The following FHIT variants were observed in gnomAD, a reference collection of about 807,000 sequenced individuals.
FHIT encodes fragile histidine triad diadenosine triphosphatase, also known as bis(5'-adenosyl)-triphosphatase.
Under a neutral mutation model 17.9 loss-of-function variants are expected in FHIT, and 19 were observed. The observed-to-expected ratio is 1.06, with a 90% CI of 0.74 to 1.56. FHIT has a LOEUF of 1.56. Among genes scored for constraint, FHIT ranks in the 40% most tolerant of loss-of-function variants. The probability of loss-of-function intolerance (pLI) is 0.00; values close to 1 mark genes in which losing one functional copy is unlikely to be tolerated. For synonymous variants in FHIT, 81 were observed against 69.7 expected (o/e 1.16, Z -0.81); for missense variants, 248 against 189.2 (o/e 1.31, Z -1.82).
At chr3:60,666,090 A>G (rs1057394894) in intron 4 of FHIT, among the ~76,000 whole-genome samples, 1 of 152,140 alleles carries the variant, frequency 6.6e-6, no homozygotes, top group South Asian at 2.1e-4. Flanking sequence ...TGAGTATCAG[A>G]TGGTATTATA....
At position 60,184,344 on chromosome 3, in the gene FHIT, A is replaced by G. The variant is rs533416958; in HGVS notation, c.104-170192T>C. 7.2e-5 allele frequency among the ~76,000 whole-genome samples: 11 copies of G among 152,234 alleles called. No homozygotes were observed. In the East Asian group the frequency reaches 1.5e-3, roughly 21 times the overall value. On this transcript the variant is annotated intron_variant, in intron 5 of 9. Coordinates refer to ENST00000492590, the MANE Select transcript of FHIT (RefSeq NM_002012.4). ...ACCCCATCCAAGATACCATATTAAC[A>G]TAACTTATGTTGCTTAAGACTTTTC...
chr3:60,256,157 T>A (rs185696671), intron 5 of FHIT, among the ~76,000 whole-genome samples: 20 of 152,302 alleles, frequency 1.3e-4, no homozygotes, highest in Admixed American at 1.2e-3. Flanking sequence ...TGACTCTCCC[T>A]TAAATTCCCC....
chr3:61,209,463 A>T (rs1576223119), intron 1 of FHIT, among the ~76,000 whole-genome samples: 1 of 152,156 alleles, frequency 6.6e-6, no homozygotes, highest in South Asian at 2.1e-4. Context: ...CCAATCAGAC[A>T]TAGATTTGGT....
intron 7 of FHIT, among the ~76,000 whole-genome samples, chr3:60,008,934 G>A (rs1700024700): frequency 6.6e-6 from 1 of 152,136 alleles, no homozygotes; most frequent in African/African-American, 2.4e-5. Context: ...TCTATCACGG[G>A]ATGTGCTTGT....
At chr3:60,108,389 T>C (rs1704519992) in intron 5 of FHIT, among the ~76,000 whole-genome samples, 2 of 152,200 alleles carry the variant, frequency 1.3e-5, no homozygotes, top group South Asian at 2.1e-4. Context: ...GGTTAGGTAA[T>C]GTCACTCCCT....
At chr3:60,603,983 G>A (rs1044150891) in intron 4 of FHIT, among the ~76,000 whole-genome samples, 4 of 152,124 alleles carry the variant, frequency 2.6e-5, no homozygotes, top group African/African-American at 7.2e-5. Flanking sequence ...TAATGGTGAC[G>A]AAGAGACTAA....
intron 4 of FHIT, chr3:60,537,444 C>T (rs148657047): frequency 1.1e-4 from 107 of 980,154 alleles, no homozygotes; most frequent in African/African-American, 1.0e-3. Context: ...AGAACAAGTA[C>T]GAACACTGTC....
chr3:60,688,891 G>T (rs535468735), intron 4 of FHIT, among the ~76,000 whole-genome samples: 7 of 151,942 alleles, frequency 4.6e-5, no homozygotes, highest in Non-Finnish European at 8.8e-5. Flanking sequence ...GGCCCTCCTT[G>T]TCTGTGGGTT....
chr3:60,282,498 G>A (rs1409201970), intron 5 of FHIT, among the ~76,000 whole-genome samples: 4 of 152,090 alleles, frequency 2.6e-5, no homozygotes, highest in Non-Finnish European at 4.4e-5. Flanking sequence ...GTGGATACAC[G>A]ACAATATGCA....
chr3:60,203,467 G>A (rs184717414), intron 5 of FHIT, among the ~76,000 whole-genome samples: 5 of 152,192 alleles, frequency 3.3e-5, no homozygotes, highest in Admixed American at 2.0e-4. Flanking sequence ...AATATTTAGA[G>A]GACCTGAGAT....
intron 3 of FHIT, among the ~76,000 whole-genome samples, 175 bp from the exon 4 acceptor site, chr3:60,822,186 C>T (rs1286948003): frequency 3.3e-5 from 5 of 152,146 alleles, no homozygotes; most frequent in Non-Finnish European, 7.3e-5. Flanking sequence ...TTAATCTGTA[C>T]ATTGGAGACT....
At chr3:61,003,707 T>G (rs188568246) in intron 3 of FHIT, among the ~76,000 whole-genome samples, 1 of 152,314 alleles carries the variant, frequency 6.6e-6, no homozygotes, top group East Asian at 1.9e-4. Context: ...GGTAAAAAAG[T>G]CCAAAGAGAA....
intron 5 of FHIT, among the ~76,000 whole-genome samples, chr3:60,218,065 T>C (rs1478715971): frequency 6.6e-6 from 1 of 152,168 alleles, no homozygotes; most frequent in African/African-American, 2.4e-5. Context: ...TTTATTATTG[T>C]TTTAAAGTAT....
At chr3:60,643,765 C>A (rs2039785770) in intron 4 of FHIT, among the ~76,000 whole-genome samples, 2 of 152,176 alleles carry the variant, frequency 1.3e-5, no homozygotes, top group South Asian at 2.1e-4. Flanking sequence ...TAAGTAGTTT[C>A]CTCCAAACCA....
chr3:60,614,373 G>A (rs1377054416), intron 4 of FHIT, among the ~76,000 whole-genome samples: 1 of 152,170 alleles, frequency 6.6e-6, no homozygotes, highest in African/African-American at 2.4e-5. Context: ...CACTTTGGAG[G>A]TGGATGGATG....
At position 59,858,236 on chromosome 3, in the gene FHIT, CTTTTTTTTTTT is replaced by C. The variant is rs563841299; in HGVS notation, c.348+64099_348+64109del. Among the ~76,000 whole-genome samples the C allele has an allele frequency of 7.1e-5, 6 of 84,496 alleles. No individual in the cohort carries two copies. In the South Asian group the frequency reaches 1.5e-3, roughly 20 times the overall value. The allele number at this position is 84,496 out of a possible 152,430, so 55.4% of individuals were successfully genotyped here. On this transcript the variant is annotated intron_variant, in intron 8 of 9. Coordinates refer to ENST00000492590, the MANE Select transcript of FHIT (RefSeq NM_002012.4). ...TGATCTTCCTTCCTTTTCCCACCTTCTTTTTTTTTTTTTTTTTTTTTTTTTGAGATGGAGTG... is the reference window on the plus strand; with the variant it reads ...TGATCTTCCTTCCTTTTCCCACCTTCTTTTTTTTTTTTTTGAGATGGAGTG...
intron 5 of FHIT, among the ~76,000 whole-genome samples, chr3:60,475,659 C>G (rs562766536): frequency 9.2e-5 from 14 of 152,298 alleles, no homozygotes; most frequent in Admixed American, 2.0e-4. Context: ...GCCAATCAGC[C>G]AACTTGCTCA....
intron 4 of FHIT, among the ~76,000 whole-genome samples, chr3:60,629,364 T>C (rs527574809): frequency 6.6e-6 from 1 of 152,344 alleles, no homozygotes; most frequent in South Asian, 2.1e-4. Flanking sequence ...TAAGTGCTTT[T>C]GATTTGTCAT....
At position 60,583,596 on chromosome 3, in the gene FHIT, T is replaced by C. The variant is rs564791177; in HGVS notation, c.-17-46617A>G. 3.9e-5 allele frequency among the ~76,000 whole-genome samples: 6 copies of C among 152,140 alleles called. No individual in the cohort carries two copies. In the East Asian group the frequency reaches 9.7e-4, roughly 25 times the overall value. ...CATTTTCATGTGTCACCAATTATTATTCTTCTTTCTATTCTTTTTCAACCA... is the reference window on the plus strand; with the variant it reads ...CATTTTCATGTGTCACCAATTATTACTCTTCTTTCTATTCTTTTTCAACCA... On this transcript the variant is annotated intron_variant, in intron 4 of 9. Coordinates refer to ENST00000492590, the MANE Select transcript of FHIT (RefSeq NM_002012.4).
Sources: gnomAD v4.1 joint callset for allele counts (sites outside exome capture counted in the v4.1 genomes callset) on GRCh38, gnomAD v4.1.1 for gene constraint, MANE v1.5 for transcripts, NCBI Gene and HGNC (gene_info 2026-07-23, HGNC 2026-07-21) for gene names.